TMTC1: variants seen among roughly 807,000 people sequenced by gnomAD.
TMTC1 encodes the protein protein O-mannosyl-transferase TMTC1.
Under a neutral mutation model 104.8 loss-of-function variants are expected in TMTC1, and 73 were observed. The observed-to-expected ratio is 0.70, with a 90% CI of 0.58 to 0.85. The LOEUF (loss-of-function observed/expected upper bound fraction) is 0.85. Among genes scored for constraint, TMTC1 ranks in the 40% least tolerant of loss-of-function variants. The probability of loss-of-function intolerance (pLI) is 0.00; values close to 1 mark genes in which losing one functional copy is unlikely to be tolerated. For synonymous variants in TMTC1, 434 were observed against 428.7 expected, an observed-to-expected ratio of 1.01 and a Z score of -0.15; for missense variants, 1,035 against 1,096.1, an observed-to-expected ratio of 0.94 and a Z score of 0.79.
At chr12:29,736,825 A>C (rs1414605915) in intron 5 of TMTC1, among the ~76,000 whole-genome samples, 2 of 152,250 alleles carry the variant, frequency 1.3e-5, no homozygotes, top group Admixed American at 6.5e-5. Flanking sequence ...AAGCTTGCAC[A>C]GAGATGCATT....
At chr12:29,711,741 C>T (rs1222966626) in intron 5 of TMTC1, among the ~76,000 whole-genome samples, 1 of 152,120 alleles carries the variant, frequency 6.6e-6, no homozygotes, top group African/African-American at 2.4e-5. Flanking sequence ...TGTGGTGGCT[C>T]ATGCCTGTAA....
In TMTC1 at chr12:29,731,999, C is replaced by T. The variant is rs554693532; in HGVS notation, c.938+19667G>A. On this transcript the variant is annotated intron_variant, in intron 5 of 17. Transcript: ENST00000539277. ...TTTCTTTTGATCAGAATATTCTTTT[C>T]CTGAAATTAGTCAATTAAATATTTA... Among the ~76,000 whole-genome samples the T allele has an allele frequency of 2.0e-5, 3 of 152,148 alleles. No homozygotes were observed. In the South Asian group the frequency reaches 6.2e-4, roughly 32 times the overall value.
intron 7 of TMTC1, among the ~76,000 whole-genome samples, chr12:29,588,443 C>T (rs1946197122): frequency 6.6e-6 from 1 of 152,214 alleles, no homozygotes; most frequent in East Asian, 1.9e-4. Flanking sequence ...CCTCTAGCCC[C>T]AGCTGCTCCC....
rs759852159 is a variant in TMTC1 at position 29,516,331 on chromosome 12, A to C, written c.2307+18T>G. On this transcript the variant is annotated intron_variant, in intron 15 of 17. Transcript: ENST00000539277. ...TAACCTATGAATCCAAAGAACTCTA[A>C]ACAATGTCCTTCTTTACCTTGTCGT... 1 of 1,609,872 alleles carries C rather than the reference A, an allele frequency of 6.2e-7. No homozygotes were observed. The highest frequency in any genetic ancestry group is 1.7e-5 in the Admixed American group (1 of 59,578).
chr12:29,654,313 A>G (rs1358188042), intron 5 of TMTC1, among the ~76,000 whole-genome samples: 1 of 152,226 alleles, frequency 6.6e-6, no homozygotes, highest in South Asian at 2.1e-4. Flanking sequence ...TCCAAAGAAG[A>G]CAGCAAAAGA....
intron 5 of TMTC1, 84 bp downstream of exon 5, chr12:29,751,582 C>T: frequency 4.1e-6 from 6 of 1,453,964 alleles, no homozygotes; most frequent in Non-Finnish European, 5.8e-6. Flanking sequence ...TGACTCAGTG[C>T]TTCACTTCCC....
chr12:29,573,930 C>T (rs1592254732), intron 8 of TMTC1, among the ~76,000 whole-genome samples: 1 of 151,946 alleles, frequency 6.6e-6, no homozygotes, highest in East Asian at 1.9e-4. Flanking sequence ...CTTCTGGCTG[C>T]AGTGCATGGA....
chr12:29,695,793 T>TATATATATATATATATATA (rs1555188366), intron 5 of TMTC1, among the ~76,000 whole-genome samples: 28 of 83,766 alleles, frequency 3.3e-4, no homozygotes, highest in African/African-American at 6.1e-4. Context: ...TACTTCCTTT[T>TATATATATATATATATATA]TATATATATA....
chr12:29,699,681 G>C (rs995675969), intron 5 of TMTC1, among the ~76,000 whole-genome samples: 4 of 123,552 alleles, frequency 3.2e-5, no homozygotes, highest in Admixed American at 2.0e-4. Flanking sequence ...TTTTGACAGG[G>C]TCTCACTGTC....
In TMTC1 at chr12:29,663,698, G is replaced by GTTTTTTTTTTTTTTTTTTTTTTTTTT. The variant is rs1555184031; in HGVS notation, c.939-30363_939-30362insAAAAAAAAAAAAAAAAAAAAAAAAAA. Among the ~76,000 whole-genome samples the GTTTTTTTTTTTTTTTTTTTTTTTTTT allele has an allele frequency of 2.5e-5, 3 of 118,106 alleles. 1 individual carries two copies. Among genetic ancestry groups the GTTTTTTTTTTTTTTTTTTTTTTTTTT allele is most frequent in the East Asian group, 2.7e-4 (1 of 3,694 alleles). 77.5% of individuals were successfully genotyped at this position (118,106 alleles called of 152,430 possible). Reference sequence around the variant, plus strand: ...TGCCTGGCTAATATTTGTACTTTTAGTAGAGACAGGGTTTCGCCATGTTGG... The same window carrying GTTTTTTTTTTTTTTTTTTTTTTTTTT: ...TGCCTGGCTAATATTTGTACTTTTAGTTTTTTTTTTTTTTTTTTTTTTTTTTTAGAGACAGGGTTTCGCCATGTTGG... On this transcript the variant is annotated intron_variant, in intron 5 of 17. Transcript: ENST00000539277.
intron 8 of TMTC1, among the ~76,000 whole-genome samples, chr12:29,578,597 G>A (rs1203124000): frequency 6.6e-6 from 1 of 152,080 alleles, no homozygotes; most frequent in Non-Finnish European, 1.5e-5. Flanking sequence ...TTCAACTCAG[G>A]ATTTTAAATC....
At chr12:29,686,837 TA>T (rs1941109368) in intron 5 of TMTC1, among the ~76,000 whole-genome samples, 1 of 152,242 alleles carries the variant, frequency 6.6e-6, no homozygotes, top group Non-Finnish European at 1.5e-5. Context: ...ATCTCATCTC[TA>T]TATAAATTAT....
At chr12:29,586,699 G>C (rs1946143988) in intron 7 of TMTC1, among the ~76,000 whole-genome samples, 3 of 148,806 alleles carry the variant, frequency 2.0e-5, no homozygotes. Context: ...TAATCATGTG[G>C]TTTTTGTCTT....
chr12:29,677,458 C>A (rs1940769380), intron 5 of TMTC1, among the ~76,000 whole-genome samples: 1 of 152,228 alleles, frequency 6.6e-6, no homozygotes, highest in African/African-American at 2.4e-5. Context: ...ATGAGCCATT[C>A]TCAGACAACT....
At chr12:29,743,283 A>T (rs1942873334) in intron 5 of TMTC1, among the ~76,000 whole-genome samples, 1 of 152,202 alleles carries the variant, frequency 6.6e-6, no homozygotes, top group Non-Finnish European at 1.5e-5. Flanking sequence ...GGTAATGTAC[A>T]CTGCCAACCT....
At chr12:29,655,869 C>G (rs1483949926) in intron 5 of TMTC1, among the ~76,000 whole-genome samples, 1 of 152,114 alleles carries the variant, frequency 6.6e-6, no homozygotes, top group Non-Finnish European at 1.5e-5. Context: ...AAAAGCTAAA[C>G]TGAAAACTCT....
At chr12:29,771,594 A>C (rs974073924) in intron 1 of TMTC1, among the ~76,000 whole-genome samples, 2 of 152,220 alleles carry the variant, frequency 1.3e-5, no homozygotes, top group African/African-American at 4.8e-5. Context: ...CAAGGTAATT[A>C]AACAGCGAAT....
chr12:29,514,641 A>G, intron 15 of TMTC1, 37 bp from the exon 16 acceptor site: 1 of 1,581,038 alleles, frequency 6.3e-7, no homozygotes, highest in African/African-American at 1.4e-5. Flanking sequence ...ATAAATGCAG[A>G]TTAGGTAAAG....
At chr12:29,716,449 T>C (rs773100028) in intron 5 of TMTC1, among the ~76,000 whole-genome samples, 2 of 152,172 alleles carry the variant, frequency 1.3e-5, no homozygotes, top group Non-Finnish European at 2.9e-5. Context: ...TACTACACTA[T>C]GCTGTCTCAA....
Sources: allele counts gnomAD v4.1 joint callset (sites outside exome capture counted in the v4.1 genomes callset), GRCh38; gene constraint gnomAD v4.1.1; transcripts MANE v1.5; gene names NCBI Gene and HGNC (gene_info 2026-07-23, HGNC 2026-07-21).